Variants in ST8SIA5 observed in about 807,000 individuals in gnomAD.
The protein encoded by ST8SIA5 is alpha-2,8-sialyltransferase 8E.
Under a neutral mutation model 40.2 loss-of-function variants are expected in ST8SIA5, and 24 were observed. That is an observed-to-expected ratio of 0.60 (90% confidence interval 0.43 to 0.84). The LOEUF is 0.84. ST8SIA5 is among the 40% of genes least tolerant of loss of function. ST8SIA5 has a pLI of 0.00. For synonymous variants in ST8SIA5, 198 were observed against 201.8 expected (o/e 0.98, Z 0.16); for missense variants, 465 against 498.5 (o/e 0.93, Z 0.64).
intron 1 of ST8SIA5, among the ~76,000 whole-genome samples, chr18:46,727,125 A>G (rs1425094949): frequency 1.3e-5 from 2 of 152,242 alleles, no homozygotes; most frequent in East Asian, 3.8e-4. Context: ...TGATTTATTC[A>G]AGACTGGATT....
intron 1 of ST8SIA5, among the ~76,000 whole-genome samples, chr18:46,718,957 G>A (rs2039822634): frequency 6.6e-6 from 1 of 152,148 alleles, no homozygotes; most frequent in African/African-American, 2.4e-5. Flanking sequence ...GGCAGAAGCT[G>A]CTCACACGCC....
chr18:46,736,645 C>T (rs2040037184), intron 1 of ST8SIA5, among the ~76,000 whole-genome samples: 1 of 152,056 alleles, frequency 6.6e-6, no homozygotes, highest in Non-Finnish European at 1.5e-5. Flanking sequence ...AGTATTGATC[C>T]TTTGATCTGC....
In ST8SIA5 at chr18:46,738,329, G is replaced by A. The variant is rs181389975; in HGVS notation, c.131+18049C>T. Among the ~76,000 whole-genome samples the A allele has an allele frequency of 3.3e-5, 5 of 152,036 alleles. No individual in the cohort carries two copies. The East Asian group carries it at 9.7e-4, about 29-fold the overall frequency. On this transcript the variant is annotated intron_variant, in intron 1 of 6. Transcript: ENST00000315087. Reference sequence around the variant, plus strand: ...TAAGAGGGTATCACTGTGCTCCTGAGAGATATCTGAGGAAGGTACAGGAAA... The same window carrying A: ...TAAGAGGGTATCACTGTGCTCCTGAAAGATATCTGAGGAAGGTACAGGAAA...
rs745497654 is a variant in ST8SIA5, at chr18:46,704,643, C to A, written c.153G>T (p.Gly51=). The A allele has an allele frequency of 1.9e-6, 3 of 1,614,120 alleles. No individual in the cohort carries two copies. The South Asian group carries it at 3.3e-5, about 18-fold the overall frequency. Residue 51 remains glycine (G), a synonymous_variant, in exon 2 of 7, where the codon GGG becomes GGT. Transcript: ENST00000315087. ...YIKRYFEFYE[G]PFEYNSTRCL... is the part of the protein sequence containing the mutation. ...ATCTTGTGGAGTTATATTCAAAAGG[C>A]CCCTCATAAAATTCAAAGTACCTGG...
intron 1 of ST8SIA5, among the ~76,000 whole-genome samples, chr18:46,710,472 T>TCCCTTC (rs200767820): frequency 2.7e-5 from 4 of 147,690 alleles, no homozygotes; most frequent in South Asian, 4.4e-4. Context: ...TCCTTCCTTC[T>TCCCTTC]CCCTTCCCCT....
intron 4 of ST8SIA5, among the ~76,000 whole-genome samples, chr18:46,688,299 G>A (rs576608569): frequency 2.0e-5 from 3 of 152,342 alleles, no homozygotes; most frequent in African/African-American, 7.2e-5. Context: ...AAGCCCCAGT[G>A]TTACAAATAA....
chr18:46,684,081 T>C (rs2039423462), intron 5 of ST8SIA5, among the ~76,000 whole-genome samples: 1 of 152,098 alleles, frequency 6.6e-6, no homozygotes, highest in African/African-American at 2.4e-5. Context: ...TGTACTGCTA[T>C]GATGATGATG....
intron 2 of ST8SIA5, among the ~76,000 whole-genome samples, chr18:46,696,016 C>G (rs976059972): frequency 6.6e-6 from 1 of 152,154 alleles, no homozygotes; most frequent in Admixed American, 6.5e-5. Flanking sequence ...GTTAAAGGGA[C>G]GGGGAAGTGA....
At chr18:46,747,505 T>A (rs2040152131) in intron 1 of ST8SIA5, among the ~76,000 whole-genome samples, 2 of 152,180 alleles carry the variant, frequency 1.3e-5, no homozygotes, top group Admixed American at 6.5e-5. Context: ...GAAATCCAGA[T>A]CAAAACCACA....
At chr18:46,693,902 CTA>C (rs2144485025) in intron 2 of ST8SIA5, among the ~76,000 whole-genome samples, 1 of 152,370 alleles carries the variant, frequency 6.6e-6, no homozygotes, top group African/African-American at 2.4e-5. Context: ...TTACCTATCC[CTA>C]TCTTTAGTTA....
chr18:46,744,534 A>C (rs2040119553), intron 1 of ST8SIA5, among the ~76,000 whole-genome samples: 2 of 152,086 alleles, frequency 1.3e-5, no homozygotes, highest in African/African-American at 4.8e-5. Context: ...ATAGATATGC[A>C]CCCAATACAA....
intron 2 of ST8SIA5, among the ~76,000 whole-genome samples, chr18:46,701,627 C>T (rs2039617581): frequency 6.6e-6 from 1 of 152,308 alleles, no homozygotes; most frequent in South Asian, 2.1e-4. Flanking sequence ...GAAGCCAGCT[C>T]TGCAGTATCT....
intron 1 of ST8SIA5, among the ~76,000 whole-genome samples, chr18:46,727,790 T>C (rs2039945513): frequency 6.6e-6 from 1 of 151,998 alleles, no homozygotes. Context: ...TTCTCTCCTT[T>C]AACCCCATGT....
At position 46,756,733 on chromosome 18, in the gene ST8SIA5, C is replaced by T. The variant is rs547440641; in HGVS notation, c.-225G>A. On this transcript the variant is annotated 5_prime_UTR_variant, in exon 1 of 7. Transcript: ENST00000315087. ...GCAGGACAGGGCCGGTGGCAGGGAG[C>T]TCTGCCGCGGCCAGGGGCCTTCCCC... 961 of 495,172 alleles carry T rather than the reference C, an allele frequency of 1.9e-3. 8 individuals carry two copies. The highest frequency in any genetic ancestry group is 0.018 in the African/African-American group (853 of 48,608). The allele number at this position is 495,172 out of a possible 1,614,324, so 30.7% of individuals were successfully genotyped here. A position where few individuals can be genotyped will look rare whatever the true frequency, so the allele number is the denominator to read the frequency against.
chr18:46,738,752 G>A (rs1198874303), intron 1 of ST8SIA5, among the ~76,000 whole-genome samples: 1 of 152,142 alleles, frequency 6.6e-6, no homozygotes, highest in Admixed American at 6.5e-5. Flanking sequence ...CCTGTTTCTC[G>A]GGGCAGTCGA....
At chr18:46,680,977 GTT>G (rs2039389207) in intron 6 of ST8SIA5, among the ~76,000 whole-genome samples, 1 of 150,076 alleles carries the variant, frequency 6.7e-6, no homozygotes, top group African/African-American at 2.4e-5. Context: ...ACACTAGTGT[GTT>G]GTTATTTTTA....
chr18:46,709,770 G>T (rs960117327), intron 1 of ST8SIA5, among the ~76,000 whole-genome samples: 9 of 152,152 alleles, frequency 5.9e-5, no homozygotes, highest in African/African-American at 1.9e-4. Context: ...ATTAATAGGG[G>T]TTTCTCAGAA....
At chr18:46,724,848 C>T (rs1190135349) in intron 1 of ST8SIA5, among the ~76,000 whole-genome samples, 1 of 151,954 alleles carries the variant, frequency 6.6e-6, no homozygotes, top group East Asian at 1.9e-4. Context: ...GTGGTGCGTG[C>T]CTGTAATCAC....
intron 1 of ST8SIA5, among the ~76,000 whole-genome samples, chr18:46,732,896 C>CTG (rs745445972): frequency 1.0e-3 from 34 of 33,420 alleles, no homozygotes; most frequent in South Asian, 2.8e-3. Context: ...CTCGGGAGGG[C>CTG]TGGTGGAAGT....
Sources: gnomAD v4.1 joint callset for allele counts (sites outside exome capture counted in the v4.1 genomes callset) on GRCh38, gnomAD v4.1.1 for gene constraint, MANE v1.5 for transcripts, NCBI Gene and HGNC (gene_info 2026-07-23, HGNC 2026-07-21) for gene names.